Variants in TUSC3 observed in about 807,000 individuals in gnomAD.
The protein encoded by TUSC3 is dolichyl-diphosphooligosaccharide--protein glycosyltransferase subunit TUSC3.
A neutral mutation model predicts 44.8 loss-of-function variants in TUSC3; 45 were observed. The ratio of observed to expected loss-of-function variants is 1.00; its 90% confidence interval spans 0.79 to 1.29. TUSC3 has a LOEUF of 1.29. Among genes scored for constraint, TUSC3 ranks in the 50% most tolerant of loss-of-function variants. The probability of loss-of-function intolerance (pLI) is 0.00; values close to 1 mark genes in which losing one functional copy is unlikely to be tolerated. For synonymous variants in TUSC3, 212 were observed against 152.9 expected (o/e 1.39, Z -2.85); for missense variants, 519 against 437.9 (o/e 1.19, Z -1.65).
chr8:15,725,912 A>G (rs1156429193), intron 6 of TUSC3, among the ~76,000 whole-genome samples: 1 of 152,068 alleles, frequency 6.6e-6, no homozygotes, highest in Non-Finnish European at 1.5e-5. Context: ...TACTGAACTG[A>G]TTAAGTAACA....
intron 2 of TUSC3, among the ~76,000 whole-genome samples, chr8:15,487,223 G>C (rs1345812743): frequency 6.6e-6 from 1 of 151,976 alleles, no homozygotes; most frequent in Non-Finnish European, 1.5e-5. Flanking sequence ...CTACTACTTT[G>C]AATTTTTTCT....
chr8:15,467,691 T>G (rs895318017), intron 1 of TUSC3, among the ~76,000 whole-genome samples: 4 of 152,210 alleles, frequency 2.6e-5, no homozygotes, highest in East Asian at 1.9e-4. Flanking sequence ...TTTTTGCCTT[T>G]GAATGTATTC....
Position 15,476,116 on chromosome 8 carries a change from C to T in TUSC3, n.92-7270C>T, listed in dbSNP as rs565478316. 7.2e-5 allele frequency among the ~76,000 whole-genome samples: 11 copies of T among 152,136 alleles called. No homozygotes were observed. In the South Asian group the frequency reaches 2.1e-3, roughly 29 times the overall value. On this transcript the variant is annotated intron_variant and non_coding_transcript_variant, in intron 1 of 5. Coordinates refer to the TUSC3 transcript ENST00000503191. ...TTAACCAATAAAGTGCAGCCTGTAC[C>T]CAAAGAATAACTAATTGTGTAATAT...
chr8:15,851,075 C>G, the TUSC3 span, among the ~76,000 whole-genome samples: 5,568 of 152,212 alleles, frequency 0.037, 347 homozygotes, highest in African/African-American at 0.13. Flanking sequence ...CAATGGACGA[C>G]GCGACGCTTT....
At chr8:15,840,221 T>C in the TUSC3 span, among the ~76,000 whole-genome samples, 145,948 of 152,078 alleles carry the variant, frequency 0.96, 70,081 homozygotes, top group African/African-American at 0.97. Flanking sequence ...ACACTGGGAC[T>C]TGTTGTGGGG....
At chr8:15,735,372 G>C (rs1810886031) in intron 7 of TUSC3, among the ~76,000 whole-genome samples, 1 of 152,180 alleles carries the variant, frequency 6.6e-6, no homozygotes, top group Non-Finnish European at 1.5e-5. Flanking sequence ...TGTGTTGTAG[G>C]ATAGAAATAT....
chr8:15,672,079 A>G (rs1336799180), intron 5 of TUSC3, among the ~76,000 whole-genome samples: 1 of 152,022 alleles, frequency 6.6e-6, no homozygotes, highest in East Asian at 1.9e-4. Flanking sequence ...CATAGCATGA[A>G]CAAGATGTGG....
chr8:15,550,339 A>G (rs1034833113), intron 1 of TUSC3, among the ~76,000 whole-genome samples: 1 of 151,804 alleles, frequency 6.6e-6, no homozygotes, highest in Non-Finnish European at 1.5e-5. Context: ...TGACAGCCAC[A>G]TGAGTTGCAT....
chr8:15,571,219 G>C (rs532937628), intron 1 of TUSC3, among the ~76,000 whole-genome samples: 1 of 151,860 alleles, frequency 6.6e-6, no homozygotes, highest in Non-Finnish European at 1.5e-5. Context: ...CTCCCAAAGT[G>C]TTGGGATTAC....
the TUSC3 span, among the ~76,000 whole-genome samples, chr8:15,799,697 T>G: frequency 2.0e-5 from 3 of 152,202 alleles, no homozygotes; most frequent in Non-Finnish European, 4.4e-5. Context: ...ATTCTTTCTC[T>G]TCTAGAAAGG....
chr8:15,501,790 T>C (rs1006046334), intron 2 of TUSC3, among the ~76,000 whole-genome samples: 11 of 152,208 alleles, frequency 7.2e-5, no homozygotes, highest in African/African-American at 2.2e-4. Context: ...GCCTTACTTA[T>C]TTGTTTTCAG....
intron 1 of TUSC3, among the ~76,000 whole-genome samples, chr8:15,610,538 A>G (rs1322926643): frequency 1.3e-5 from 2 of 152,350 alleles, no homozygotes; most frequent in African/African-American, 4.8e-5. Context: ...TGGCAACAGC[A>G]ATTCTTAAGT....
At chr8:15,820,577 C>A in the TUSC3 span, among the ~76,000 whole-genome samples, 1 of 152,150 alleles carries the variant, frequency 6.6e-6, no homozygotes, top group Non-Finnish European at 1.5e-5. Flanking sequence ...CTCAGCCTCC[C>A]AACGTGCTGG....
chr8:15,636,919 G>C (rs1262538391), intron 2 of TUSC3, among the ~76,000 whole-genome samples: 1 of 152,176 alleles, frequency 6.6e-6, no homozygotes, highest in East Asian at 1.9e-4. Flanking sequence ...TTTGGTGCTG[G>C]TGAGATACTG....
At chr8:15,614,951 A>T (rs1390549894) in intron 1 of TUSC3, among the ~76,000 whole-genome samples, 3 of 145,872 alleles carry the variant, frequency 2.1e-5, no homozygotes, top group Non-Finnish European at 4.6e-5. Flanking sequence ...AAAAAAAAAA[A>T]ACCACCCCAA....
At chr8:15,599,612 A>G (rs1212862263) in intron 1 of TUSC3, among the ~76,000 whole-genome samples, 1 of 151,516 alleles carries the variant, frequency 6.6e-6, no homozygotes, top group Non-Finnish European at 1.5e-5. Flanking sequence ...TGAGGGGTGT[A>G]AAGTCTAGAT....
chr8:15,701,924 T>C (rs1180165306), intron 6 of TUSC3, among the ~76,000 whole-genome samples: 1 of 152,192 alleles, frequency 6.6e-6, no homozygotes, highest in African/African-American at 2.4e-5. Flanking sequence ...TACAGTCTTA[T>C]CCTTTGCCAG....
At chr8:15,773,284 G>T in the TUSC3 span, among the ~76,000 whole-genome samples, 4 of 152,160 alleles carry the variant, frequency 2.6e-5, no homozygotes, top group Non-Finnish European at 2.9e-5. Context: ...CAGGATACAT[G>T]GTTAACATGC....
At chr8:15,651,411 G>A (rs1806898170) in intron 3 of TUSC3, among the ~76,000 whole-genome samples, 1 of 152,054 alleles carries the variant, frequency 6.6e-6, no homozygotes, top group Non-Finnish European at 1.5e-5. Context: ...GGACTGAATT[G>A]TATTTCCCCA....
Sources: allele counts gnomAD v4.1 joint callset (sites outside exome capture counted in the v4.1 genomes callset), GRCh38; gene constraint gnomAD v4.1.1; transcripts MANE v1.5; gene names NCBI Gene and HGNC (gene_info 2026-07-23, HGNC 2026-07-21).